The following MELTF variants were observed in gnomAD, a reference collection of about 807,000 sequenced individuals.
MELTF encodes melanotransferrin.
Under a neutral mutation model 83.7 loss-of-function variants are expected in MELTF, and 67 were observed. The ratio of observed to expected loss-of-function variants is 0.80; its 90% CI spans 0.66 to 0.98. The LOEUF (loss-of-function observed/expected upper bound fraction) is 0.98, where lower values mean the gene tolerates loss of function less well. Ranked by LOEUF, MELTF falls within the 50% of genes least tolerant of loss-of-function variation. MELTF has a pLI of 0.00. For missense variants in MELTF, 1,002 were observed against 1,035.6 expected (o/e 0.97, Z 0.44); for synonymous variants, 462 against 447.6 (o/e 1.03, Z -0.41).
At chr3:197,027,651 C>A (rs1158190852) in intron 2 of MELTF, 105 bp downstream of exon 2, 40 of 1,371,940 alleles carry the variant, frequency 2.9e-5, no homozygotes, top group Non-Finnish European at 3.4e-5. Context: ...ATCGGCCGGG[C>A]CTGGCAGGGC....
At chr3:197,014,361 G>C (rs1719283537) in intron 9 of MELTF, among the ~76,000 whole-genome samples, 2 of 151,418 alleles carry the variant, frequency 1.3e-5, no homozygotes. Context: ...GGGAAGGGTA[G>C]GGGAAGGGAG....
rs1284997587 is a variant in MELTF at position 197,004,067 on chromosome 3, C to T, written c.1971G>A (p.Gly657=). 3.7e-6 allele frequency: 6 copies of T among 1,614,032 alleles called. No individual in the cohort carries two copies. Among genetic ancestry groups the T allele is most frequent in the Non-Finnish European group, 5.1e-6 (6 of 1,180,030 alleles). ...DLFGDDHNKN[G]FKMFDSSNYH... ...AGTTGGAGGAGTCGAACATTTTGAA[C>T]CCGTTCTTATTGTGGTCGTCTCCAA... The change falls in exon 15 of 16, where the codon GGG becomes GGA. Residue 657 remains glycine, a synonymous_variant. Coordinates refer to ENST00000296350, the MANE Select transcript of MELTF (RefSeq NM_005929.6).
chr3:197,019,841 C>A (rs1390798573), intron 6 of MELTF: 2 of 1,520,914 alleles, frequency 1.3e-6, no homozygotes, highest in Admixed American at 2.1e-5. Context: ...CAAAGAATGA[C>A]AATGATTTAA....
chr3:197,010,450 C>A (rs758568500), intron 10 of MELTF, among the ~76,000 whole-genome samples: 1 of 152,212 alleles, frequency 6.6e-6, no homozygotes, highest in Admixed American at 6.5e-5. Context: ...GACTGTCTGT[C>A]GTCTGCAAAG....
rs547994552 is a variant in MELTF at position 197,007,619 on chromosome 3, C to T, written c.1751-883G>A. ...CTCGTGCAGGAGCACACAGCCCCTC[C>T]CTGGGGGAGGGTTTCAGGTGTTCTT... On this transcript the variant is annotated intron_variant, in intron 13 of 15. Coordinates refer to ENST00000296350, the MANE Select transcript of MELTF (RefSeq NM_005929.6). The surrounding 1 kb of genome is among the most constrained non-coding windows in gnomAD (Gnocchi z 4.3). Among the ~76,000 whole-genome samples, 1 of 152,290 alleles carries T rather than the reference C, an allele frequency of 6.6e-6. No homozygotes were observed. The highest frequency in any genetic ancestry group is 2.1e-4 in the South Asian group (1 of 4,834).
At chr3:197,021,297 C>T (rs1217607015) in intron 6 of MELTF, 107 bp downstream of exon 6, 11 of 1,001,256 alleles carry the variant, frequency 1.1e-5, no homozygotes, top group Non-Finnish European at 1.7e-5. Flanking sequence ...CTCAGAGCAG[C>T]ACTGCACTAG....
chr3:197,024,504 G>A lies in MELTF; in HGVS notation c.305-19C>T. On this transcript the variant is annotated intron_variant, in intron 3 of 15. Coordinates refer to ENST00000296350, the MANE Select transcript of MELTF (RefSeq NM_005929.6). This position sits in a 1 kb window ranked among gnomAD's most constrained non-coding sequence, Gnocchi z 5.3. ...CCGACCTCTAGGAGGGGAGGGGAGT[G>A]GGTGAGGGCAGCAGGGAGAGGCCTC... is the stretch of plus-strand genomic sequence containing the variant. 6.4e-7 allele frequency: 1 copy of A among 1,557,002 alleles called. No individual in the cohort carries two copies. The highest frequency in any genetic ancestry group is 8.7e-7 in the Non-Finnish European group (1 of 1,144,296).
At position 197,010,701 on chromosome 3, in the gene MELTF, C is replaced by A; in HGVS notation, c.1327G>T (p.Ala443Ser). The A allele has an allele frequency of 6.2e-7, 1 of 1,612,594 alleles. No homozygotes were observed. The highest frequency in any genetic ancestry group is 1.1e-5 in the South Asian group (1 of 91,082). The change falls in exon 10 of 16, where the codon GCC (alanine) becomes TCC (serine). Residue 443 changes from alanine (A) to serine (S), a missense_variant. Transcript: ENST00000296350. ...AGGCGGCAGGCCCTGCACTCACGGG[C>A]ATAGTGCTCCCCGGCTGCGGGAACC... is the stretch of plus-strand genomic sequence containing the variant. ...GLVPAAGEHY[A>S]PEDSSNSYYV...
chr3:197,003,405 G>A lies in MELTF; in HGVS notation c.2184C>T (p.Ala728=). 9.0e-7 allele frequency: 1 copy of A among 1,106,504 alleles called. No individual in the cohort carries two copies. The highest frequency in any genetic ancestry group is 1.1e-6 in the Non-Finnish European group (1 of 908,492). 68.5% of individuals were successfully genotyped at this position (1,106,504 alleles called of 1,614,324 possible). A position where few individuals can be genotyped will look rare whatever the true frequency, so the allele number is the denominator to read the frequency against. The part of the protein sequence containing the change: ...GAPLLPLLLP[A]LAARLLPPAL Reference sequence around the variant, plus strand: ...CGGGCGGGAGCAGGCGGGCGGCGAGGGCGGGCAGCAGCAGCGGGAGCAGGG... The same window carrying A: ...CGGGCGGGAGCAGGCGGGCGGCGAGAGCGGGCAGCAGCAGCGGGAGCAGGG... Residue 728 remains alanine (A), a synonymous_variant, in exon 16 of 16, where the codon GCC becomes GCT. Transcript: ENST00000296350. This position sits in a 1 kb window ranked among gnomAD's most constrained non-coding sequence, Gnocchi z 6.2.
Position 197,029,397 on chromosome 3 carries a change from GC to G in MELTF, c.49+256del. 1 of 378,154 alleles carries G rather than the reference GC, an allele frequency of 2.6e-6. No homozygotes were observed. Among genetic ancestry groups the G allele is most frequent in the Non-Finnish European group, 4.7e-6 (1 of 213,508 alleles). The allele number at this position is 378,154 out of a possible 1,614,324, so 23.4% of individuals were successfully genotyped here. ...CCCGAGGCCTCCCCACCACGCCTCA[GC>G]CCGCGCTTCTCCTTGGAGCGTCGGA... On this transcript the variant is annotated intron_variant, in intron 1 of 15. Transcript: ENST00000296350. This position sits in a 1 kb window ranked among gnomAD's most constrained non-coding sequence, Gnocchi z 6.5.
chr3:197,003,726 G>A lies in MELTF; in HGVS notation c.2137+175C>T, dbSNP rs1463684172. The A allele has an allele frequency of 2.0e-6, 1 of 497,246 alleles. No homozygotes were observed. Among genetic ancestry groups the A allele is most frequent in the African/African-American group, 2.0e-5 (1 of 49,408 alleles). The allele number at this position is 497,246 out of a possible 1,614,324, so 30.8% of individuals were successfully genotyped here. A position where few individuals can be genotyped will look rare whatever the true frequency, so the allele number is the denominator to read the frequency against. On this transcript the variant is annotated intron_variant, in intron 15 of 15. Coordinates refer to ENST00000296350, the MANE Select transcript of MELTF (RefSeq NM_005929.6). The surrounding 1 kb of genome is among the most constrained non-coding windows in gnomAD (Gnocchi z 6.2). ...CGTCTGGGAGACCCGCCGGGCTCCC[G>A]CCCTCCCGGCCCGCAGCCTCCTGGC...
At chr3:197,027,312 A>T (rs1030059756) in intron 2 of MELTF, among the ~76,000 whole-genome samples, 4 of 152,234 alleles carry the variant, frequency 2.6e-5, no homozygotes, top group African/African-American at 9.6e-5. Flanking sequence ...GAGGATTGTC[A>T]GTGTCATTTA....
Position 197,024,277 on chromosome 3 carries a change from C to T in MELTF, c.487+26G>A, listed in dbSNP as rs762151030. ...GGAAAGGAGGGGGAGGCCTGGGGAC[C>T]CTCCTGCCCAGCCCAAAGCCCTCAC... On this transcript the variant is annotated intron_variant, in intron 4 of 15. Coordinates refer to ENST00000296350, the MANE Select transcript of MELTF (RefSeq NM_005929.6). This position sits in a 1 kb window ranked among gnomAD's most constrained non-coding sequence, Gnocchi z 5.3. 2.6e-6 allele frequency: 4 copies of T among 1,526,236 alleles called. No individual in the cohort carries two copies. Among genetic ancestry groups the T allele is most frequent in the Admixed American group, 2.1e-5 (1 of 47,704 alleles). 94.5% of individuals were successfully genotyped at this position (1,526,236 alleles called of 1,614,324 possible).
In MELTF at chr3:197,024,551, C is replaced by G; in HGVS notation, c.305-66G>C. 3 of 1,441,560 alleles carry G rather than the reference C, an allele frequency of 2.1e-6. No homozygotes were observed. In the South Asian group the frequency reaches 4.1e-5, roughly 20 times the overall value. 89.3% of individuals were successfully genotyped at this position (1,441,560 alleles called of 1,614,324 possible). A position where few individuals can be genotyped will look rare whatever the true frequency, so the allele number is the denominator to read the frequency against. On this transcript the variant is annotated intron_variant, in intron 3 of 15. Transcript: ENST00000296350. The surrounding 1 kb of genome is among the most constrained non-coding windows in gnomAD (Gnocchi z 5.3). ...CCTCGAGAGAGGCTGCACCAGCACCCTGCCTGGGCGGGCTGTGGGAGAGGT... is the reference window on the plus strand; with the variant it reads ...CCTCGAGAGAGGCTGCACCAGCACCGTGCCTGGGCGGGCTGTGGGAGAGGT...
rs1266839084 is a variant in MELTF, at chr3:197,002,726, G to C, written c.*646C>G. 1 of 152,352 alleles carries C rather than the reference G, an allele frequency of 6.6e-6. No individual in the cohort carries two copies. Among genetic ancestry groups the C allele is most frequent in the African/African-American group, 2.4e-5 (1 of 41,466 alleles). 9.4% of individuals were successfully genotyped at this position (152,352 alleles called of 1,614,324 possible). A position where few individuals can be genotyped will look rare whatever the true frequency, so the allele number is the denominator to read the frequency against. On this transcript the variant is annotated 3_prime_UTR_variant, in exon 16 of 16. Transcript: ENST00000296350. ...GTGGACGCGGCTGGCCCGGGATGGA[G>C]CTGGCGCGGCCACAGTGGGGGACGA...
rs1017243493 is a variant in MELTF, at chr3:197,029,737, C to A, written c.-35G>T. On this transcript the variant is annotated 5_prime_UTR_variant, in exon 1 of 16. Transcript: ENST00000296350. This position sits in a 1 kb window ranked among gnomAD's most constrained non-coding sequence, Gnocchi z 6.5. ...GGGGCTGGCTGGGGCCGGGCTGGGG[C>A]TGGGTCCGGGTCCGAGGAGGTCCGC... is the stretch of plus-strand genomic sequence containing the variant. 1.6e-6 allele frequency: 2 copies of A among 1,227,390 alleles called. No homozygotes were observed. Among genetic ancestry groups the A allele is most frequent in the African/African-American group, 3.1e-5 (2 of 64,234 alleles). The allele number at this position is 1,227,390 out of a possible 1,614,324, so 76.0% of individuals were successfully genotyped here.
At chr3:197,019,139 C>T in intron 6 of MELTF, 1 of 987,276 alleles carries the variant, frequency 1.0e-6, no homozygotes, top group African/African-American at 1.7e-5. Flanking sequence ...TTGTTAATGG[C>T]CACATGGTAG....
chr3:197,022,823 G>C lies in MELTF; in HGVS notation c.644+134C>G, dbSNP rs187440806. 1.8e-4 allele frequency: 146 copies of C among 807,820 alleles called. 2 individuals carry two copies. The East Asian group carries it at 3.4e-3, about 19-fold the overall frequency. The allele number at this position is 807,820 out of a possible 1,614,324, so 50.0% of individuals were successfully genotyped here. ...AACCAGGGCACAGAACTATATAAAG[G>C]GTGCTTTGATGAGACGCAGCCAACA... is the stretch of plus-strand genomic sequence containing the variant. On this transcript the variant is annotated intron_variant, in intron 5 of 15. Transcript: ENST00000296350. The surrounding 1 kb of genome is among the most constrained non-coding windows in gnomAD (Gnocchi z 5.1).
chr3:197,010,431 T>G (rs755713979), intron 10 of MELTF, among the ~76,000 whole-genome samples: 4 of 152,264 alleles, frequency 2.6e-5, no homozygotes. Flanking sequence ...AAAAGGTTAT[T>G]GAAAGAGAGA....
Sources: allele counts gnomAD v4.1 joint callset (sites outside exome capture counted in the v4.1 genomes callset), GRCh38; gene constraint gnomAD v4.1.1; non-coding constraint Gnocchi (gnomAD v3.1); transcripts MANE v1.5; gene names NCBI Gene and HGNC (gene_info 2026-07-23, HGNC 2026-07-21).